Variants in CACNA1C observed in about 807,000 individuals in gnomAD.
The protein encoded by CACNA1C is calcium voltage-gated channel subunit alpha1 C.
In CACNA1C, 30 loss-of-function variants were observed where a neutral mutation model predicts 229.0. The observed-to-expected ratio is 0.13, with a 90% CI of 0.10 to 0.18. The LOEUF is 0.18. CACNA1C is among the 10% of genes least tolerant of loss of function. CACNA1C has a pLI of 1.00. For missense variants in CACNA1C, 1,658 were observed against 2,845.0 expected, an observed-to-expected ratio of 0.58 and a Z score of 9.49; for synonymous variants, 1,114 against 1,132.5, an observed-to-expected ratio of 0.98 and a Z score of 0.33.
At chr12:2,587,047 G>A (rs1262331921) in intron 18 of CACNA1C, among the ~76,000 whole-genome samples, 1 of 152,216 alleles carries the variant, frequency 6.6e-6, no homozygotes, top group African/African-American at 2.4e-5. Context: ...CGTTTTAGAG[G>A]GAAATGGGGG....
Position 2,566,330 on chromosome 12 carries a change from AG to A in CACNA1C, c.1509-88del. ...CTGCTCTAGCAAGGCCAGATCAGTG[AG>A]GGGCGAGAAGAGCCATGGTGCTGCA... On this transcript the variant is annotated intron_variant, in intron 11 of 46. Transcript: ENST00000399655. The surrounding 1 kb of genome is among the most constrained non-coding windows in gnomAD (Gnocchi z 4.0). The A allele has an allele frequency of 8.4e-7, 1 of 1,196,490 alleles. No individual in the cohort carries two copies. The highest frequency in any genetic ancestry group is 1.2e-6 in the Non-Finnish European group (1 of 854,564). 74.1% of individuals were successfully genotyped at this position (1,196,490 alleles called of 1,614,324 possible). A position where few individuals can be genotyped will look rare whatever the true frequency, so the allele number is the denominator to read the frequency against.
chr12:2,191,850 TCACA>T (rs996997112), intron 3 of CACNA1C, among the ~76,000 whole-genome samples: 4 of 63,816 alleles, frequency 6.3e-5, no homozygotes, highest in African/African-American at 1.8e-4. Flanking sequence ...ACACATGCAC[TCACA>T]CATGTACTCG....
At chr12:2,267,752 A>AG (rs1461885204) in intron 3 of CACNA1C, among the ~76,000 whole-genome samples, 5 of 152,154 alleles carry the variant, frequency 3.3e-5, no homozygotes, top group Admixed American at 3.3e-4. Context: ...CTCTCTGAGC[A>AG]GGGGGGTTGG....
intron 3 of CACNA1C, among the ~76,000 whole-genome samples, chr12:2,384,005 G>T (rs1037431607): frequency 2.0e-5 from 3 of 152,216 alleles, no homozygotes; most frequent in Non-Finnish European, 4.4e-5. Context: ...TTGAGAGGTT[G>T]TGAATGCATT....
At chr12:2,372,431 C>T (rs1030690712) in intron 3 of CACNA1C, among the ~76,000 whole-genome samples, 1 of 152,124 alleles carries the variant, frequency 6.6e-6, no homozygotes, top group African/African-American at 2.4e-5. Context: ...ATAGCAACAT[C>T]AGGTTGACTC....
rs1231326173 is a variant in CACNA1C at position 2,646,175 on chromosome 12, A to G, written c.3913-2300A>G. Among the ~76,000 whole-genome samples, 4 of 152,256 alleles carry G rather than the reference A, an allele frequency of 2.6e-5. No homozygotes were observed. The East Asian group carries it at 7.7e-4, about 29-fold the overall frequency. On this transcript the variant is annotated intron_variant, in intron 30 of 46. Transcript: ENST00000399655. This position sits in a 1 kb window ranked among gnomAD's most constrained non-coding sequence, Gnocchi z 4.6. ...AAATGAGGTCTTAAATGGGAGCTAT[A>G]AAATGCAACAAGAAAAAAGACAGTT...
chr12:2,206,825 A>G (rs1447822122), intron 3 of CACNA1C, among the ~76,000 whole-genome samples: 1 of 152,188 alleles, frequency 6.6e-6, no homozygotes, highest in Non-Finnish European at 1.5e-5. Flanking sequence ...CCTGCAGACC[A>G]TCTCCCACAT....
chr12:2,076,979 A>C (rs2063436734), intron 1 of CACNA1C, among the ~76,000 whole-genome samples: 1 of 152,232 alleles, frequency 6.6e-6, no homozygotes, highest in Non-Finnish European at 1.5e-5. Context: ...CGTGCCCTGG[A>C]GCGGACGCCA....
At chr12:2,564,222 A>C (rs1253860151) in intron 11 of CACNA1C, among the ~76,000 whole-genome samples, 1 of 152,170 alleles carries the variant, frequency 6.6e-6, no homozygotes, top group Non-Finnish European at 1.5e-5. Flanking sequence ...TTTCCTTACG[A>C]TATGATACGC....
At chr12:2,495,392 G>T (rs2099744622) in intron 7 of CACNA1C, among the ~76,000 whole-genome samples, 1 of 152,198 alleles carries the variant, frequency 6.6e-6, no homozygotes, top group South Asian at 2.1e-4. Flanking sequence ...ATAAGCTTCA[G>T]GCCCATGCAT....
At chr12:2,124,109 C>CGTGTGTGTGTGT (rs36202591) in intron 3 of CACNA1C, among the ~76,000 whole-genome samples, 2 of 145,512 alleles carry the variant, frequency 1.4e-5, no homozygotes, top group Non-Finnish European at 3.0e-5. Flanking sequence ...TGGTCTAGCT[C>CGTGTGTGTGTGT]GTGTGTGTGT....
chr12:2,315,736 C>G (rs932421658), intron 3 of CACNA1C, among the ~76,000 whole-genome samples: 1 of 152,122 alleles, frequency 6.6e-6, no homozygotes, highest in Non-Finnish European at 1.5e-5. Context: ...ATTTTAGGTG[C>G]GTGTGTACAA....
chr12:2,084,038 A>C (rs1190107320), intron 1 of CACNA1C, among the ~76,000 whole-genome samples: 1 of 152,238 alleles, frequency 6.6e-6, no homozygotes, highest in African/African-American at 2.4e-5. Flanking sequence ...TAAAATGCTG[A>C]TAGTATATCT....
intron 5 of CACNA1C, among the ~76,000 whole-genome samples, chr12:2,463,285 G>T (rs1347081351): frequency 2.6e-5 from 4 of 152,164 alleles, no homozygotes; most frequent in Non-Finnish European, 5.9e-5. Context: ...TATGGAAATA[G>T]ATGATTGCGA....
intron 3 of CACNA1C, among the ~76,000 whole-genome samples, chr12:2,250,125 A>G (rs1453008253): frequency 1.3e-5 from 2 of 152,158 alleles, no homozygotes; most frequent in Admixed American, 1.3e-4. Flanking sequence ...CCTTCTCTTT[A>G]GATTCCTCAA....
At chr12:2,473,005 G>A (rs1022819363) in intron 5 of CACNA1C, among the ~76,000 whole-genome samples, 7 of 152,178 alleles carry the variant, frequency 4.6e-5, no homozygotes, top group African/African-American at 1.2e-4. Flanking sequence ...GGGTCTCACT[G>A]TAGACAAAGG....
intron 3 of CACNA1C, among the ~76,000 whole-genome samples, chr12:2,174,982 C>A (rs1323095895): frequency 6.6e-6 from 1 of 152,082 alleles, no homozygotes; most frequent in African/African-American, 2.4e-5. Context: ...AGGAGGGCGG[C>A]TAGGTCTTGC....
At chr12:2,586,879 G>A (rs1384235182) in intron 18 of CACNA1C, among the ~76,000 whole-genome samples, 17 of 152,224 alleles carry the variant, frequency 1.1e-4, no homozygotes. Context: ...AGAACAGGAA[G>A]GGCGTTTTCA....
chr12:2,674,863 TCAGAAA>T (rs2096725258), intron 39 of CACNA1C, among the ~76,000 whole-genome samples: 1 of 152,230 alleles, frequency 6.6e-6, no homozygotes, highest in South Asian at 2.1e-4. Flanking sequence ...CTGCACAAAC[TCAGAAA>T]CAGAAAGTCA....
Sources: gnomAD v4.1 joint callset for allele counts (sites outside exome capture counted in the v4.1 genomes callset) on GRCh38, gnomAD v4.1.1 for gene constraint, Gnocchi (gnomAD v3.1) non-coding constraint, MANE v1.5 for transcripts, NCBI Gene and HGNC (gene_info 2026-07-23, HGNC 2026-07-21) for gene names.